The following ACER2 variants were observed in gnomAD, a reference collection of about 807,000 sequenced individuals.
The protein encoded by ACER2 is alkaline ceramidase 2, also known as alkCDase 2.
Under a neutral mutation model 34.7 loss-of-function variants are expected in ACER2, and 26 were observed. The ratio of observed to expected loss-of-function variants is 0.75; its 90% CI spans 0.55 to 1.04. The LOEUF (loss-of-function observed/expected upper bound fraction) is 1.04, where lower values mean the gene tolerates loss of function less well. Ranked by LOEUF, ACER2 falls within the 50% of genes least tolerant of loss-of-function variation. ACER2 has a pLI of 0.00. For synonymous variants in ACER2, 138 were observed against 132.1 expected, an observed-to-expected ratio of 1.04 and a Z score of -0.31; for missense variants, 352 against 340.8, an observed-to-expected ratio of 1.03 and a Z score of -0.26.
chr9:19,409,530 C>G (rs1359314406), intron 1 of ACER2, among the ~76,000 whole-genome samples: 2 of 152,002 alleles, frequency 1.3e-5, no homozygotes, highest in African/African-American at 2.4e-5. Flanking sequence ...GTGAACCTGC[C>G]GGGACAAGTC....
chr9:19,428,231 G>A (rs1830642276), intron 3 of ACER2, among the ~76,000 whole-genome samples: 1 of 150,954 alleles, frequency 6.6e-6, no homozygotes, highest in South Asian at 2.1e-4. Context: ...GCAATAGTAC[G>A]ATCTCGGCTC....
At chr9:19,415,494 C>CTCCATCTCAATA (rs1830215138) in intron 1 of ACER2, among the ~76,000 whole-genome samples, 1 of 148,972 alleles carries the variant, frequency 6.7e-6, no homozygotes, top group African/African-American at 2.5e-5. Context: ...GACTCCATCT[C>CTCCATCTCAATA]AATAAATAAA....
Position 19,451,214 on chromosome 9 carries a change from C to T in ACER2, c.*578C>T, listed in dbSNP as rs183580902. On this transcript the variant is annotated 3_prime_UTR_variant, in exon 6 of 6. Coordinates refer to ENST00000340967, the MANE Select transcript of ACER2 (RefSeq NM_001010887.3). The stretch of plus-strand genomic sequence containing the variant: ...CTGGAGAAAGCTGGCCTGCTCCAGA[C>T]CCCACCATTCCCAGGCGCCCTTGGA... 8.5e-5 allele frequency: 13 copies of T among 152,418 alleles called. No individual in the cohort carries two copies. The highest frequency in any genetic ancestry group is 7.2e-4 in the Admixed American group (11 of 15,308). The allele number at this position is 152,418 out of a possible 1,614,324, so 9.4% of individuals were successfully genotyped here.
intron 2 of ACER2, chr9:19,424,442 A>G (rs1487977030): frequency 2.0e-6 from 2 of 985,310 alleles, no homozygotes; most frequent in Admixed American, 6.1e-5. Flanking sequence ...GGCTCAGTGG[A>G]TGAAGACAGA....
chr9:19,412,547 C>T (rs761606346), intron 1 of ACER2, among the ~76,000 whole-genome samples: 11 of 150,974 alleles, frequency 7.3e-5, no homozygotes, highest in Non-Finnish European at 1.5e-4. Context: ...CCCCGCTACT[C>T]AGGAGGCTGA....
At chr9:19,412,355 A>C (rs150523792) in intron 1 of ACER2, among the ~76,000 whole-genome samples, 116 of 152,316 alleles carry the variant, frequency 7.6e-4, no homozygotes, top group Middle Eastern at 3.4e-3. Flanking sequence ...TGTGCATATA[A>C]AATACGCATG....
chr9:19,421,000 C>G (rs577505988), intron 1 of ACER2, among the ~76,000 whole-genome samples: 1 of 152,258 alleles, frequency 6.6e-6, no homozygotes, highest in Middle Eastern at 3.4e-3. Flanking sequence ...CATACTTACA[C>G]AAATCTAGAT....
intron 4 of ACER2, among the ~76,000 whole-genome samples, chr9:19,444,618 A>C (rs1249594042): frequency 6.6e-6 from 1 of 152,162 alleles, no homozygotes. Context: ...ACGAGCTTGC[A>C]CTGAGGGGAG....
intron 4 of ACER2, among the ~76,000 whole-genome samples, chr9:19,437,470 T>G (rs1166574882): frequency 6.6e-6 from 1 of 152,104 alleles, no homozygotes; most frequent in East Asian, 1.9e-4. Context: ...TGCTCCACCC[T>G]CACACCCCTC....
chr9:19,427,157 G>A (rs987224405), intron 3 of ACER2, among the ~76,000 whole-genome samples: 1 of 152,150 alleles, frequency 6.6e-6, no homozygotes, highest in African/African-American at 2.4e-5. Context: ...AAACAATAGT[G>A]TTCATCTTTG....
chr9:19,446,519 T>C, intron 5 of ACER2, 101 bp downstream of exon 5: 1 of 1,569,376 alleles, frequency 6.4e-7, no homozygotes, highest in South Asian at 1.2e-5. Context: ...TCCTGTGGGT[T>C]GCTGGCTTGC....
At chr9:19,426,276 C>G (rs1052272361) in intron 3 of ACER2, among the ~76,000 whole-genome samples, 1 of 146,878 alleles carries the variant, frequency 6.8e-6, no homozygotes, top group African/African-American at 2.6e-5. Context: ...CTTTCTTTCT[C>G]TTTCTTTCTT....
At chr9:19,445,661 G>A (rs558038126) in intron 4 of ACER2, among the ~76,000 whole-genome samples, 2 of 152,364 alleles carry the variant, frequency 1.3e-5, no homozygotes, top group African/African-American at 4.8e-5. Flanking sequence ...TTGTGGAACA[G>A]CACAAATCCT....
chr9:19,430,779 G>A (rs959634589), intron 3 of ACER2, among the ~76,000 whole-genome samples: 12 of 152,086 alleles, frequency 7.9e-5, no homozygotes, highest in African/African-American at 2.7e-4. Context: ...CCAGCATGGT[G>A]AAACCCCATC....
intron 1 of ACER2, among the ~76,000 whole-genome samples, chr9:19,423,032 C>CAA (rs764823366): frequency 1.5e-4 from 10 of 68,946 alleles, no homozygotes; most frequent in South Asian, 4.7e-4. Flanking sequence ...AACTCTGTCT[C>CAA]AAAAAAAAAA....
chr9:19,444,810 T>C (rs192944678), intron 4 of ACER2, among the ~76,000 whole-genome samples: 8 of 152,352 alleles, frequency 5.3e-5, no homozygotes, highest in Admixed American at 5.2e-4. Flanking sequence ...CTCTTTGTTT[T>C]AGTAACTGGG....
rs747643366 is a variant in ACER2 at position 19,450,440 on chromosome 9, C to A, written c.642-10C>A. The A allele has an allele frequency of 1.3e-6, 2 of 1,580,620 alleles. No homozygotes were observed. The highest frequency in any genetic ancestry group is 2.3e-5 in the East Asian group (1 of 44,132). ...CTCATCAGGTTCTCACCTCTTGTCT[C>A]CCTCTGCAGGCACATCCTCATCTGC... On this transcript the variant is annotated splice_polypyrimidine_tract_variant and intron_variant, in intron 5 of 5. Transcript: ENST00000340967.
At chr9:19,433,780 G>C (rs1200535349) in intron 3 of ACER2, among the ~76,000 whole-genome samples, 1 of 151,182 alleles carries the variant, frequency 6.6e-6, no homozygotes, top group Non-Finnish European at 1.5e-5. Context: ...GGCCGGGCGG[G>C]GGGCTGACCC....
chr9:19,428,008 T>TTTTCCTTTTTCCTTTCCTTTCCTTTCC, intron 3 of ACER2, among the ~76,000 whole-genome samples: 1 of 65,640 alleles, frequency 1.5e-5, no homozygotes, highest in East Asian at 4.7e-4. Flanking sequence ...CCTTTTTCCT[T>TTTTCCTTTTTCCTTTCCTTTCCTTTCC]TTTCCTTTCC....
Sources: gnomAD v4.1 joint callset for allele counts (sites outside exome capture counted in the v4.1 genomes callset) on GRCh38, gnomAD v4.1.1 for gene constraint, MANE v1.5 for transcripts, NCBI Gene and HGNC (gene_info 2026-07-23, HGNC 2026-07-21) for gene names.